TUSC3: variants seen among roughly 807,000 people sequenced by gnomAD.
The protein encoded by TUSC3 is dolichyl-diphosphooligosaccharide--protein glycosyltransferase subunit TUSC3.
Under a neutral mutation model 44.8 loss-of-function variants are expected in TUSC3, and 45 were observed. That is an observed-to-expected ratio of 1.00 (90% CI 0.79 to 1.29). The LOEUF (loss-of-function observed/expected upper bound fraction) is 1.29. Among genes scored for constraint, TUSC3 ranks in the 50% most tolerant of loss-of-function variants. The pLI, the probability that TUSC3 is intolerant of heterozygous loss-of-function variation, is 0.00. For missense variants in TUSC3, 519 were observed against 437.9 expected, an observed-to-expected ratio of 1.19 and a Z score of -1.65; for synonymous variants, 212 against 152.9, an observed-to-expected ratio of 1.39 and a Z score of -2.85.
At position 15,619,167 on chromosome 8, in the gene TUSC3, G is replaced by A. The variant is rs138020998; in HGVS notation, c.139-3913G>A. Among the ~76,000 whole-genome samples, 196 of 152,274 alleles carry A rather than the reference G, an allele frequency of 1.3e-3. 5 individuals are homozygous for A. The East Asian group carries it at 0.033, about 26-fold the overall frequency. ...AGTGAGAAATGTGTTTCTCCCTTAA[G>A]GCAGTTGGGATACTAAGAATAGGCG... On this transcript the variant is annotated intron_variant, in intron 1 of 10. Transcript: ENST00000503731.
At chr8:15,466,294 C>G (rs552393762) in intron 1 of TUSC3, among the ~76,000 whole-genome samples, 1 of 152,126 alleles carries the variant, frequency 6.6e-6, no homozygotes, top group African/African-American at 2.4e-5. Flanking sequence ...GGAAAATTAC[C>G]TTGTGAATTT....
At chr8:15,671,718 G>GACA (rs1294327001) in intron 5 of TUSC3, among the ~76,000 whole-genome samples, 3 of 152,020 alleles carry the variant, frequency 2.0e-5, no homozygotes, top group African/African-American at 7.2e-5. Flanking sequence ...CATGTAGAAT[G>GACA]TAAGCTTCCT....
chr8:15,476,556 A>G (rs79067985), intron 1 of TUSC3, among the ~76,000 whole-genome samples: 11,433 of 152,310 alleles, frequency 0.075, 461 homozygotes, highest in South Asian at 0.11. Flanking sequence ...CTCAAGAATT[A>G]GAATATTTCA....
intron 2 of TUSC3, among the ~76,000 whole-genome samples, chr8:15,485,178 G>T (rs1327049447): frequency 2.0e-5 from 3 of 152,020 alleles, no homozygotes; most frequent in African/African-American, 4.8e-5. Context: ...TTCCTCATTT[G>T]TATCTATAAG....
intron 1 of TUSC3, among the ~76,000 whole-genome samples, chr8:15,621,155 C>T (rs1029240736): frequency 2.2e-4 from 34 of 151,806 alleles, no homozygotes; most frequent in African/African-American, 7.3e-4. Flanking sequence ...TCTCTAAATA[C>T]TTAAAAAATA....
At chr8:15,744,865 A>G (rs1020359716) in intron 8 of TUSC3, among the ~76,000 whole-genome samples, 1 of 151,884 alleles carries the variant, frequency 6.6e-6, no homozygotes, top group African/African-American at 2.4e-5. Flanking sequence ...GGTATTTTGG[A>G]TGATACTGAG....
rs570451203 is a variant in TUSC3 at position 15,483,434 on chromosome 8, G to A, written n.140G>A. The stretch of plus-strand genomic sequence containing the variant: ...CGACTCACCACAACCTCTGCCTCCC[G>A]GGTTCAAGCGAGTCTCCTGCCTCAG... On this transcript the variant is annotated non_coding_transcript_exon_variant, in exon 2 of 6. Coordinates refer to the TUSC3 transcript ENST00000503191. 46 of 164,020 alleles carry A rather than the reference G, an allele frequency of 2.8e-4. 2 individuals carry two copies. Among genetic ancestry groups the A allele is most frequent in the South Asian group, 1.3e-3 (8 of 6,344 alleles). 10.2% of individuals were successfully genotyped at this position (164,020 alleles called of 1,614,324 possible).
intron 1 of TUSC3, among the ~76,000 whole-genome samples, chr8:15,566,143 A>C (rs149434365): frequency 6.6e-6 from 1 of 152,140 alleles, no homozygotes; most frequent in Admixed American, 6.5e-5. Flanking sequence ...TCTCTAGACA[A>C]CGTTATCAGA....
chr8:15,838,303 C>A, the TUSC3 span, among the ~76,000 whole-genome samples: 1 of 152,172 alleles, frequency 6.6e-6, no homozygotes, highest in African/African-American at 2.4e-5. Context: ...ATTCATTTTG[C>A]ACCCCATACC....
chr8:15,595,138 G>C, intron 1 of TUSC3, among the ~76,000 whole-genome samples: 1 of 152,168 alleles, frequency 6.6e-6, no homozygotes, highest in African/African-American at 2.4e-5. Context: ...CTGCAAGTGA[G>C]AAAAATACGG....
At chr8:15,449,197 C>T (rs1008607249) in intron 1 of TUSC3, among the ~76,000 whole-genome samples, 2 of 152,134 alleles carry the variant, frequency 1.3e-5, no homozygotes, top group Admixed American at 6.5e-5. Context: ...GGGATTTATG[C>T]TGAAGGAAGC....
chr8:15,723,122 CTTAGG>C (rs1563190766), intron 6 of TUSC3, among the ~76,000 whole-genome samples: 1 of 152,106 alleles, frequency 6.6e-6, no homozygotes, highest in East Asian at 1.9e-4. Context: ...GAACCACTGA[CTTAGG>C]TTAAGTATCA....
At position 15,743,610 on chromosome 8, in the gene TUSC3, G is replaced by A. The variant is rs760970104; in HGVS notation, c.935G>A (p.Arg312Gln). 30 of 1,613,696 alleles carry A rather than the reference G, an allele frequency of 1.9e-5. No homozygotes were observed. Among genetic ancestry groups the A allele is most frequent in the Admixed American group, 5.0e-5 (3 of 59,980 alleles). The change falls in exon 8 of 11, where the codon CGG becomes CAG. Residue 312 changes from arginine (R) to glutamine (Q), a missense_variant and splice_region_variant. Transcript: ENST00000503731. ...TCGAAAGGCGATGTTGGAAAAAGACGGAGTAAGTCTCTGTGTTGCCATTTT... is the reference window on the plus strand; with the variant it reads ...TCGAAAGGCGATGTTGGAAAAAGACAGAGTAAGTCTCTGTGTTGCCATTTT... ...ATSKGDVGKR[R>Q]IICLVGLGLV...
At chr8:15,584,114 G>A (rs1803495810) in intron 1 of TUSC3, among the ~76,000 whole-genome samples, 1 of 152,284 alleles carries the variant, frequency 6.6e-6, no homozygotes, top group Admixed American at 6.5e-5. Flanking sequence ...ATATTTAGAT[G>A]TTTAATTGAT....
intron 2 of TUSC3, among the ~76,000 whole-genome samples, chr8:15,639,112 G>T (rs1342837729): frequency 6.7e-6 from 1 of 149,772 alleles, no homozygotes; most frequent in African/African-American, 2.5e-5. Context: ...TGATGATCAT[G>T]TGTCGATGCT....
chr8:15,692,391 T>C (rs1433550697), intron 6 of TUSC3, among the ~76,000 whole-genome samples: 1 of 145,598 alleles, frequency 6.9e-6, no homozygotes, highest in African/African-American at 2.5e-5. Context: ...TTTTTTTTTT[T>C]TTTTTTTTGC....
chr8:15,749,296 C>G (rs1811587328), intron 9 of TUSC3, among the ~76,000 whole-genome samples: 1 of 152,098 alleles, frequency 6.6e-6, no homozygotes, highest in Non-Finnish European at 1.5e-5. Context: ...TTTCTTCCAC[C>G]TGTGAGCAGT....
chr8:15,632,421 G>C (rs1805814725), intron 2 of TUSC3, among the ~76,000 whole-genome samples: 1 of 152,140 alleles, frequency 6.6e-6, no homozygotes, highest in Non-Finnish European at 1.5e-5. Context: ...CATAATATTA[G>C]CTTGTTCATA....
At chr8:15,500,937 G>A (rs1377753234) in intron 2 of TUSC3, among the ~76,000 whole-genome samples, 3 of 151,978 alleles carry the variant, frequency 2.0e-5, no homozygotes, top group Admixed American at 1.3e-4. Flanking sequence ...ATTCTTACAA[G>A]GTATAACATA....
Sources: gnomAD v4.1 joint callset for allele counts (sites outside exome capture counted in the v4.1 genomes callset) on GRCh38, gnomAD v4.1.1 for gene constraint, MANE v1.5 for transcripts, NCBI Gene and HGNC (gene_info 2026-07-23, HGNC 2026-07-21) for gene names.